Variants in RFX3 observed in about 807,000 individuals in gnomAD.
RFX3 encodes transcription factor RFX3.
RFX3 carries 14 observed loss-of-function variants against 98.6 expected under a neutral mutation model. The observed-to-expected ratio is 0.14, with a 90% CI of 0.09 to 0.22. The LOEUF is 0.22. Among genes scored for constraint, RFX3 ranks in the 10% least tolerant of loss-of-function variants. The probability of loss-of-function intolerance (pLI) is 1.00; values close to 1 mark genes in which losing one functional copy is unlikely to be tolerated. For synonymous variants in RFX3, 383 were observed against 328.4 expected (o/e 1.17, Z -1.80); for missense variants, 639 against 926.9 (o/e 0.69, Z 4.03).
chr9:3,424,348 CTTTTTTTTTTTTTTT>C (rs748693786), intron 1 of RFX3, among the ~76,000 whole-genome samples: 17 of 76,006 alleles, frequency 2.2e-4, no homozygotes, highest in Admixed American at 1.3e-3. Flanking sequence ...ACATAATTGA[CTTTTTTTTTTTTTTT>C]TTTTTTTTTT....
At chr9:3,469,845 CA>C (rs762924935) in intron 1 of RFX3, among the ~76,000 whole-genome samples, 1,586 of 92,176 alleles carry the variant, frequency 0.017, 2 homozygotes, top group Middle Eastern at 0.041. Context: ...GACTCCGTCT[CA>C]AAAAAAAAAA....
At chr9:3,469,795 G>C (rs1462341033) in intron 1 of RFX3, among the ~76,000 whole-genome samples, 1 of 150,902 alleles carries the variant, frequency 6.6e-6, no homozygotes, top group Non-Finnish European at 1.5e-5. Context: ...GCAGTGAGCT[G>C]AGATCGCGCC....
intron 4 of RFX3, among the ~76,000 whole-genome samples, chr9:3,305,649 C>A (rs1228383464): frequency 3.9e-5 from 6 of 151,960 alleles, no homozygotes; most frequent in African/African-American, 1.4e-4. Context: ...TTACTAATGT[C>A]ACTCCTACGA....
chr9:3,468,461 T>G (rs1335790368), intron 1 of RFX3, among the ~76,000 whole-genome samples: 1 of 152,176 alleles, frequency 6.6e-6, no homozygotes, highest in African/African-American at 2.4e-5. Flanking sequence ...CTGGCCCTTT[T>G]TGAGCTCCAC....
intron 4 of RFX3, among the ~76,000 whole-genome samples, chr9:3,317,529 A>T (rs201214764): frequency 6.6e-6 from 1 of 152,170 alleles, no homozygotes; most frequent in Admixed American, 6.5e-5. Flanking sequence ...GGGTTCTAAT[A>T]AAACTAAAGA....
intron 2 of RFX3, among the ~76,000 whole-genome samples, chr9:3,366,891 T>C (rs1403795202): frequency 6.6e-6 from 1 of 152,072 alleles, no homozygotes; most frequent in African/African-American, 2.4e-5. Context: ...AGTTTCCCCA[T>C]ATCCTTTGTA....
intron 1 of RFX3, among the ~76,000 whole-genome samples, chr9:3,514,657 C>T (rs1471018928): frequency 1.3e-5 from 2 of 152,142 alleles, no homozygotes; most frequent in Non-Finnish European, 2.9e-5. Context: ...CTATGTTGCC[C>T]ACACTAGTCT....
chr9:3,495,010 T>G (rs1851002013), intron 1 of RFX3, among the ~76,000 whole-genome samples: 1 of 152,040 alleles, frequency 6.6e-6, no homozygotes, highest in Non-Finnish European at 1.5e-5. Context: ...TCTCACCTAG[T>G]AATTCTATCA....
chr9:3,473,896 T>G (rs559544240), intron 1 of RFX3, among the ~76,000 whole-genome samples: 1 of 152,010 alleles, frequency 6.6e-6, no homozygotes, highest in Non-Finnish European at 1.5e-5. Context: ...TAGGCAAAGA[T>G]AAGAGAAATA....
chr9:3,343,247 GC>G (rs1279614646), intron 3 of RFX3, among the ~76,000 whole-genome samples: 1 of 152,172 alleles, frequency 6.6e-6, no homozygotes, highest in Non-Finnish European at 1.5e-5. Context: ...TACTAAGCAT[GC>G]ACAGGTTGTA....
At chr9:3,510,940 AG>A (rs1257686108) in intron 1 of RFX3, among the ~76,000 whole-genome samples, 2 of 152,020 alleles carry the variant, frequency 1.3e-5, no homozygotes, top group Non-Finnish European at 2.9e-5. Context: ...CTTTGAGAAA[AG>A]AAACAGTTTA....
chr9:3,232,627 C>T (rs1382249256), intron 15 of RFX3, among the ~76,000 whole-genome samples: 1 of 152,162 alleles, frequency 6.6e-6, no homozygotes, highest in African/African-American at 2.4e-5. Flanking sequence ...TTCAGCCTCA[C>T]CAAAACAACT....
chr9:3,329,934 A>G (rs1380980087), intron 4 of RFX3, among the ~76,000 whole-genome samples: 1 of 152,208 alleles, frequency 6.6e-6, no homozygotes, highest in Non-Finnish European at 1.5e-5. Flanking sequence ...TAAGCATAAT[A>G]TGAAAGTGAG....
chr9:3,395,674 T>A, intron 1 of RFX3, 78 bp from the exon 2 acceptor site: 1 of 1,489,374 alleles, frequency 6.7e-7, no homozygotes, highest in Non-Finnish European at 9.2e-7. Flanking sequence ...GTTCTTAAAA[T>A]CCTATACTGA....
intron 9 of RFX3, among the ~76,000 whole-genome samples, chr9:3,274,120 G>C (rs1400197710): frequency 6.6e-6 from 1 of 152,130 alleles, no homozygotes; most frequent in African/African-American, 2.4e-5. Context: ...GGAACTGGTA[G>C]GACACGTTGA....
At chr9:3,524,069 T>C (rs980458303) in intron 1 of RFX3, among the ~76,000 whole-genome samples, 4 of 152,014 alleles carry the variant, frequency 2.6e-5, no homozygotes, top group Admixed American at 1.3e-4. Flanking sequence ...TAAATCAATA[T>C]ATGTTTGCTG....
chr9:3,407,568 T>G (rs1842079046), intron 1 of RFX3, among the ~76,000 whole-genome samples: 1 of 152,182 alleles, frequency 6.6e-6, no homozygotes, highest in Non-Finnish European at 1.5e-5. Flanking sequence ...TTTCATTGTT[T>G]TTTTAACCTA....
At chr9:3,449,933 C>T (rs116716269) in intron 1 of RFX3, among the ~76,000 whole-genome samples, 1,624 of 148,460 alleles carry the variant, frequency 0.011, 29 homozygotes, top group African/African-American at 0.038. Context: ...TAGTTTAGGA[C>T]AAATAGTGAT....
chr9:3,318,634 C>T (rs944172282), intron 4 of RFX3, among the ~76,000 whole-genome samples: 1 of 150,774 alleles, frequency 6.6e-6, no homozygotes, highest in Non-Finnish European at 1.5e-5. Flanking sequence ...AAGACAAAAT[C>T]TTTTCTAAGG....
Sources: allele counts gnomAD v4.1 joint callset (sites outside exome capture counted in the v4.1 genomes callset), GRCh38; gene constraint gnomAD v4.1.1; transcripts MANE v1.5; gene names NCBI Gene and HGNC (gene_info 2026-07-23, HGNC 2026-07-21).